The following LCMT1 variants were observed in gnomAD, a reference collection of about 807,000 sequenced individuals.
The protein encoded by LCMT1 is [Phosphatase 2A protein]-leucine-carboxy methyltransferase 1.
LCMT1 carries 32 observed loss-of-function variants against 47.7 expected under a neutral mutation model. That is an observed-to-expected ratio of 0.67 (90% CI 0.51 to 0.90). LCMT1 has a LOEUF of 0.90. Among genes scored for constraint, LCMT1 ranks in the 40% least tolerant of loss-of-function variants. The pLI, the probability that LCMT1 is intolerant of heterozygous loss-of-function variation, is 0.00. For synonymous variants in LCMT1, 152 were observed against 149.7 expected (o/e 1.02, Z -0.11); for missense variants, 375 against 415.2 (o/e 0.90, Z 0.84).
chr16:25,155,407 C>T (rs1163743369), intron 5 of LCMT1, among the ~76,000 whole-genome samples: 1 of 151,872 alleles, frequency 6.6e-6, no homozygotes, highest in Non-Finnish European at 1.5e-5. Flanking sequence ...ACTAGCTGGG[C>T]ATGGTGGTGC....
At chr16:25,120,228 G>GT (rs372752493) in intron 1 of LCMT1, among the ~76,000 whole-genome samples, 2,289 of 150,218 alleles carry the variant, frequency 0.015, 56 homozygotes, top group African/African-American at 0.054. Context: ...GGGTTTTTTT[G>GT]TTTTGTTTTT....
chr16:25,137,944 C>G (rs1464491586), intron 3 of LCMT1, among the ~76,000 whole-genome samples: 1 of 152,110 alleles, frequency 6.6e-6, no homozygotes, highest in East Asian at 1.9e-4. Context: ...CGCACTCACC[C>G]CCCCGGGATT....
chr16:25,160,851 A>G (rs1961406157), intron 5 of LCMT1: 16 of 607,680 alleles, frequency 2.6e-5, no homozygotes, highest in South Asian at 2.2e-4. Flanking sequence ...CACCATGTGC[A>G]TGAGAGGGGA....
At chr16:25,112,202 G>A (rs1959642426) in intron 1 of LCMT1, among the ~76,000 whole-genome samples, 1 of 152,222 alleles carries the variant, frequency 6.6e-6, no homozygotes, top group Non-Finnish European at 1.5e-5. Flanking sequence ...AGCCAGGCAG[G>A]GGGCCAGCCT....
chr16:25,155,353 T>A (rs78778262), intron 5 of LCMT1, among the ~76,000 whole-genome samples: 4,141 of 152,102 alleles, frequency 0.027, 77 homozygotes, highest in Non-Finnish European at 0.039. Flanking sequence ...GGAGCATTGC[T>A]GAGGGCACCT....
chr16:25,149,288 T>C (rs976257924), intron 4 of LCMT1, among the ~76,000 whole-genome samples: 2 of 152,202 alleles, frequency 1.3e-5, no homozygotes, highest in Admixed American at 6.5e-5. Context: ...GTATTTTGTG[T>C]GGCCCAAGAC....
chr16:25,126,699 A>G (rs1028912009), intron 1 of LCMT1, among the ~76,000 whole-genome samples: 23 of 152,290 alleles, frequency 1.5e-4, no homozygotes, highest in African/African-American at 5.3e-4. Context: ...TTTATTATCC[A>G]AGAGTCCAGC....
chr16:25,130,053 C>A (rs1334433992), intron 2 of LCMT1, among the ~76,000 whole-genome samples: 1 of 152,138 alleles, frequency 6.6e-6, no homozygotes, highest in African/African-American at 2.4e-5. Flanking sequence ...TAAGATTCTT[C>A]AACAGGGCTG....
At chr16:25,155,446 C>A (rs529234975) in intron 5 of LCMT1, among the ~76,000 whole-genome samples, 2 of 151,964 alleles carry the variant, frequency 1.3e-5, no homozygotes, top group South Asian at 4.2e-4. Context: ...ACTTGGGAGG[C>A]TGAGACAGGA....
intron 4 of LCMT1, chr16:25,148,131 AG>A (rs879597542): frequency 6.6e-6 from 1 of 152,286 alleles, no homozygotes; most frequent in Non-Finnish European, 1.5e-5. Flanking sequence ...GTCACACAAG[AG>A]GGCCGGCGTG....
chr16:25,136,232 A>G (rs746559232), intron 3 of LCMT1, among the ~76,000 whole-genome samples: 2 of 151,602 alleles, frequency 1.3e-5, no homozygotes, highest in Non-Finnish European at 2.9e-5. Flanking sequence ...CTCCCTGTGG[A>G]GGGAAGCAGG....
At chr16:25,150,079 G>T (rs1268415829) in intron 4 of LCMT1, among the ~76,000 whole-genome samples, 1 of 152,120 alleles carries the variant, frequency 6.6e-6, no homozygotes, top group Non-Finnish European at 1.5e-5. Context: ...CAGAGTTGCA[G>T]ATGACAGGTT....
intron 5 of LCMT1, among the ~76,000 whole-genome samples, chr16:25,151,981 G>A (rs568224470): frequency 2.2e-4 from 34 of 152,260 alleles, no homozygotes; most frequent in African/African-American, 7.9e-4. Context: ...AGGGCGAACT[G>A]TGTATGTGTG....
At chr16:25,113,147 A>AC (rs1001366645) in intron 1 of LCMT1, among the ~76,000 whole-genome samples, 3 of 150,000 alleles carry the variant, frequency 2.0e-5, no homozygotes, top group African/African-American at 7.5e-5. Flanking sequence ...TCTCAAAAAA[A>AC]AAAAAAAAAA....
Position 25,174,877 on chromosome 16 carries a change from G to A in LCMT1, c.885-60G>A, listed in dbSNP as rs898676623. On this transcript the variant is annotated intron_variant, in intron 9 of 10. Coordinates refer to ENST00000399069, the MANE Select transcript of LCMT1 (RefSeq NM_016309.3). Reference sequence around the variant, plus strand: ...CATTTTTTCATATCCGTAGCTATGGGCCATGATCTTCATTTTCAATGCAGA... The same window carrying A: ...CATTTTTTCATATCCGTAGCTATGGACCATGATCTTCATTTTCAATGCAGA... 3.7e-6 allele frequency: 3 copies of A among 814,982 alleles called. No homozygotes were observed. The African/African-American group carries it at 5.3e-5, about 14-fold the overall frequency. The allele number at this position is 814,982 out of a possible 1,614,324, so 50.5% of individuals were successfully genotyped here.
At chr16:25,114,496 T>C (rs1272869081) in intron 1 of LCMT1, among the ~76,000 whole-genome samples, 1 of 152,158 alleles carries the variant, frequency 6.6e-6, no homozygotes, top group Admixed American at 6.5e-5. Flanking sequence ...TTGAGCACTT[T>C]TCATGGTAGC....
intron 8 of LCMT1, 125 bp from the exon 9 acceptor site, chr16:25,170,589 C>G: frequency 1.4e-6 from 1 of 715,688 alleles, no homozygotes; most frequent in South Asian, 1.8e-5. Flanking sequence ...GTGATCACAC[C>G]ACTGCACTTC....
intron 3 of LCMT1, among the ~76,000 whole-genome samples, chr16:25,138,716 C>T (rs1041093267): frequency 3.3e-5 from 5 of 152,194 alleles, no homozygotes; most frequent in Admixed American, 1.3e-4. Flanking sequence ...CTTTGATCCC[C>T]GCCCTAGTTT....
intron 3 of LCMT1, among the ~76,000 whole-genome samples, chr16:25,136,437 A>G (rs912089987): frequency 6.6e-6 from 1 of 151,038 alleles, no homozygotes; most frequent in Admixed American, 6.6e-5. Context: ...CACTTGTCAC[A>G]GCCATTTTGC....
Sources: allele counts gnomAD v4.1 joint callset (sites outside exome capture counted in the v4.1 genomes callset), GRCh38; gene constraint gnomAD v4.1.1; transcripts MANE v1.5; gene names NCBI Gene and HGNC (gene_info 2026-07-23, HGNC 2026-07-21).